ZNF385B: variants seen among roughly 807,000 people sequenced by gnomAD.
The protein encoded by ZNF385B is zinc finger protein 533.
ZNF385B carries 23 observed loss-of-function variants against 39.2 expected under a neutral mutation model. The ratio of observed to expected loss-of-function variants is 0.59; its 90% CI spans 0.42 to 0.83. ZNF385B has a LOEUF of 0.83. ZNF385B is among the 40% of genes least tolerant of loss of function. The pLI is 0.00. For missense variants in ZNF385B, 552 were observed against 598.9 expected (o/e 0.92, Z 0.82); for synonymous variants, 205 against 222.6 (o/e 0.92, Z 0.70).
At chr2:179,693,714 C>A (rs891402356) in intron 3 of ZNF385B, among the ~76,000 whole-genome samples, 4 of 152,110 alleles carry the variant, frequency 2.6e-5, no homozygotes. Flanking sequence ...CAGGTACGAA[C>A]AGATTGACAG....
At chr2:179,549,190 C>T (rs1010250487) in intron 3 of ZNF385B, among the ~76,000 whole-genome samples, 1 of 149,080 alleles carries the variant, frequency 6.7e-6, no homozygotes, top group Admixed American at 6.7e-5. Flanking sequence ...TATGGATTTC[C>T]CAAATTTTGC....
chr2:179,593,952 A>G (rs984925124), intron 3 of ZNF385B, among the ~76,000 whole-genome samples: 1 of 152,158 alleles, frequency 6.6e-6, no homozygotes, highest in African/African-American at 2.4e-5. Context: ...TCCCAATTAC[A>G]ATTTTCATTT....
intron 3 of ZNF385B, among the ~76,000 whole-genome samples, chr2:179,627,855 T>C (rs1261282409): frequency 1.3e-5 from 2 of 152,154 alleles, no homozygotes; most frequent in African/African-American, 4.8e-5. Context: ...AGGTAGAGTA[T>C]ATTTCAGCAT....
intron 3 of ZNF385B, among the ~76,000 whole-genome samples, chr2:179,706,701 T>G (rs146924946): frequency 1.3e-5 from 2 of 152,314 alleles, no homozygotes; most frequent in African/African-American, 4.8e-5. Context: ...GTCAGATGCC[T>G]GAGTAGTGGC....
At chr2:179,697,991 T>C (rs368557007) in intron 3 of ZNF385B, among the ~76,000 whole-genome samples, 1 of 151,958 alleles carries the variant, frequency 6.6e-6, no homozygotes, top group Non-Finnish European at 1.5e-5. Context: ...AATTGAACAA[T>C]GAGAACACTT....
chr2:179,634,987 A>G (rs1338717145), intron 3 of ZNF385B, among the ~76,000 whole-genome samples: 1 of 149,740 alleles, frequency 6.7e-6, no homozygotes, highest in African/African-American at 2.5e-5. Flanking sequence ...AAAAAAAAAA[A>G]AAAAAATAGC....
chr2:179,712,162 C>T (rs956179715), intron 3 of ZNF385B, among the ~76,000 whole-genome samples: 2 of 152,156 alleles, frequency 1.3e-5, no homozygotes, highest in Non-Finnish European at 2.9e-5. Context: ...ACATTCTCTA[C>T]TTCTGGGTTG....
chr2:179,552,517 G>T (rs1470017610), intron 3 of ZNF385B, among the ~76,000 whole-genome samples: 1 of 149,370 alleles, frequency 6.7e-6, no homozygotes, highest in African/African-American at 2.5e-5. Context: ...TTTCTTTAAA[G>T]AAATTTAAAT....
intron 3 of ZNF385B, among the ~76,000 whole-genome samples, chr2:179,570,616 T>C (rs1685103891): frequency 6.6e-6 from 1 of 152,182 alleles, no homozygotes. Flanking sequence ...AGTTCTCTCT[T>C]TGTTTCTCTG....
chr2:179,695,878 G>C (rs907911431), intron 3 of ZNF385B, among the ~76,000 whole-genome samples: 6 of 152,168 alleles, frequency 3.9e-5, no homozygotes, highest in Non-Finnish European at 8.8e-5. Context: ...ACAAAATGTG[G>C]CATATGTATA....
chr2:179,704,514 G>A (rs551054473), intron 3 of ZNF385B, among the ~76,000 whole-genome samples: 22 of 152,318 alleles, frequency 1.4e-4, no homozygotes, highest in African/African-American at 5.3e-4. Flanking sequence ...ACCTCTGGGA[G>A]ATTAGGCTAA....
rs79920996 is a variant in ZNF385B, at chr2:179,461,850, G to A, written c.716-15080C>T. On this transcript the variant is annotated intron_variant, in intron 6 of 9. Transcript: ENST00000410066. ...CATGAATTCTATTCCACACTCCCCA[G>A]GACCTGTGAATTTCTAAATCCATGC... 5.1e-3 allele frequency among the ~76,000 whole-genome samples: 781 copies of A among 152,224 alleles called. 9 individuals carry two copies. Among genetic ancestry groups the A allele is most frequent in the African/African-American group, 0.017 (726 of 41,518 alleles).
At position 179,861,591 on chromosome 2, in the gene ZNF385B, T is replaced by A. The variant is rs1290671148; in HGVS notation, c.-645A>T. On this transcript the variant is annotated 5_prime_UTR_variant, in exon 1 of 10. Coordinates refer to ENST00000410066, the MANE Select transcript of ZNF385B (RefSeq NM_152520.6). ...ACAGAGAGGGAATGAGGCGGAACCG[T>A]TCGGGGGCTCGTTGACACTGCAGAG... 1 of 152,138 alleles carries A rather than the reference T, an allele frequency of 6.6e-6. No individual in the cohort carries two copies. Among genetic ancestry groups the A allele is most frequent in the Middle Eastern group, 3.2e-3 (1 of 316 alleles). 9.4% of individuals were successfully genotyped at this position (152,138 alleles called of 1,614,324 possible). A position where few individuals can be genotyped will look rare whatever the true frequency, so the allele number is the denominator to read the frequency against.
intron 1 of ZNF385B, among the ~76,000 whole-genome samples, chr2:179,807,667 G>A (rs1369984064): frequency 3.3e-5 from 5 of 151,972 alleles, no homozygotes; most frequent in African/African-American, 1.2e-4. Flanking sequence ...AGGCCAAGGT[G>A]GGCGGATCAT....
chr2:179,799,865 G>A (rs1705919443), intron 1 of ZNF385B, among the ~76,000 whole-genome samples: 1 of 152,078 alleles, frequency 6.6e-6, no homozygotes, highest in Non-Finnish European at 1.5e-5. Context: ...CTGTGAATGA[G>A]AGCTTTGCAA....
At chr2:179,818,928 GA>G (rs1299053549) in intron 1 of ZNF385B, among the ~76,000 whole-genome samples, 1 of 152,042 alleles carries the variant, frequency 6.6e-6, no homozygotes, top group Non-Finnish European at 1.5e-5. Flanking sequence ...TCACTGGGTA[GA>G]AAGTAACTAA....
At chr2:179,521,463 G>A (rs1326374343) in intron 4 of ZNF385B, among the ~76,000 whole-genome samples, 1 of 148,610 alleles carries the variant, frequency 6.7e-6, no homozygotes, top group Non-Finnish European at 1.5e-5. Context: ...GCCTCCCAAA[G>A]TGCTGGGATT....
chr2:179,711,846 T>C (rs1265352993), intron 3 of ZNF385B, among the ~76,000 whole-genome samples: 1 of 151,928 alleles, frequency 6.6e-6, no homozygotes, highest in Admixed American at 6.6e-5. Context: ...GTAGCAGTTC[T>C]GTTCAGCCTA....
chr2:179,522,862 T>C lies in ZNF385B; in HGVS notation c.442-4224A>G, dbSNP rs1435656449. 4 of 443,884 alleles carry C rather than the reference T, an allele frequency of 9.0e-6. No individual in the cohort carries two copies. The East Asian group carries it at 2.2e-4, about 24-fold the overall frequency. The allele number at this position is 443,884 out of a possible 1,614,324, so 27.5% of individuals were successfully genotyped here. A position where few individuals can be genotyped will look rare whatever the true frequency, so the allele number is the denominator to read the frequency against. On this transcript the variant is annotated intron_variant, in intron 4 of 9. Transcript: ENST00000410066. ...AAAAAAATACCCTATCACATAGATC[T>C]AGCTACCAATATTCCTTACCTGGCA...
Sources: allele counts gnomAD v4.1 joint callset (sites outside exome capture counted in the v4.1 genomes callset), GRCh38; gene constraint gnomAD v4.1.1; transcripts MANE v1.5; gene names NCBI Gene and HGNC (gene_info 2026-07-23, HGNC 2026-07-21).